Variants in TJP1 observed in about 807,000 individuals in gnomAD.
The protein encoded by TJP1 is tight junction protein 1.
TJP1 carries 43 observed loss-of-function variants against 194.2 expected under a neutral mutation model. The ratio of observed to expected loss-of-function variants is 0.22; its 90% CI spans 0.17 to 0.29. The LOEUF (loss-of-function observed/expected upper bound fraction) is 0.29, where lower values mean the gene tolerates loss of function less well. Ranked by LOEUF, TJP1 falls within the 10% of genes least tolerant of loss-of-function variation. The probability of loss-of-function intolerance (pLI) is 1.00; values close to 1 mark genes in which losing one functional copy is unlikely to be tolerated. For synonymous variants in TJP1, 801 were observed against 779.0 expected, an observed-to-expected ratio of 1.03 and a Z score of -0.47; for missense variants, 1,971 against 2,185.7, an observed-to-expected ratio of 0.90 and a Z score of 1.96.
intron 2 of TJP1, among the ~76,000 whole-genome samples, chr15:29,796,246 A>C (rs2048393891): frequency 6.6e-6 from 1 of 152,004 alleles, no homozygotes; most frequent in South Asian, 2.1e-4. Flanking sequence ...GCCTCTATAC[A>C]CAGATGACAT....
chr15:29,785,964 G>T (rs745889763), intron 2 of TJP1, among the ~76,000 whole-genome samples: 3 of 152,210 alleles, frequency 2.0e-5, no homozygotes, highest in Non-Finnish European at 4.4e-5. Context: ...GAATAAGAGA[G>T]ATTTTAATGT....
intron 5 of TJP1, among the ~76,000 whole-genome samples, chr15:29,766,001 C>A (rs1038224516): frequency 6.6e-6 from 1 of 152,208 alleles, no homozygotes; most frequent in Non-Finnish European, 1.5e-5. Flanking sequence ...TGTGACATTT[C>A]TTGTTAGCAT....
intron 8 of TJP1, among the ~76,000 whole-genome samples, chr15:29,743,693 C>T (rs1350492678): frequency 6.6e-6 from 1 of 152,132 alleles, no homozygotes; most frequent in Non-Finnish European, 1.5e-5. Flanking sequence ...AGCCACTACA[C>T]TCCAGCCTAG....
intron 2 of TJP1, among the ~76,000 whole-genome samples, chr15:29,784,901 T>A (rs1522797): frequency 6.6e-6 from 1 of 152,086 alleles, no homozygotes; most frequent in South Asian, 2.1e-4. Flanking sequence ...TGATAGCATG[T>A]GCAAAAAAAA....
At chr15:29,953,308 A>G (rs181817110) in intron 2 of TJP1, among the ~76,000 whole-genome samples, 1 of 151,792 alleles carries the variant, frequency 6.6e-6, no homozygotes, top group Admixed American at 6.6e-5. Context: ...CGCCCAGCTA[A>G]TTTTTGTCTT....
rs2044405444 is a variant in TJP1, at chr15:29,741,371, C to G, written c.1216G>C (p.Gly406Arg). 7 of 1,597,640 alleles carry G rather than the reference C, an allele frequency of 4.4e-6. No individual in the cohort carries two copies. The highest frequency in any genetic ancestry group is 6.0e-6 in the Non-Finnish European group (7 of 1,175,250). Residue 406 changes from glycine to arginine, a missense_variant, in exon 10 of 28, where the codon GGT (glycine) becomes CGT (arginine). Gly to Arg is a moderately radical substitution (Grantham distance 125). This residue lies in a region of TJP1 where 192 missense variants were observed against 182.3 expected (regional missense o/e 1.05). Transcript: ENST00000614355. ...TCATGAGTTGAATTAGGTAGGACAC[C>G]ATCAGATGGACTGACAGGTAAATCC... ...DVDLPVSPSD[G>R]VLPNSTHEDG...
At chr15:29,829,006 C>CTAAT (rs1233197716) in intron 2 of TJP1, among the ~76,000 whole-genome samples, 59 of 152,088 alleles carry the variant, frequency 3.9e-4, no homozygotes, top group Admixed American at 1.7e-3. Flanking sequence ...ACCGCCTTGG[C>CTAAT]CTCCCTAAGT....
intron 2 of TJP1, among the ~76,000 whole-genome samples, chr15:29,786,060 GA>G: frequency 6.6e-6 from 1 of 152,192 alleles, no homozygotes; most frequent in East Asian, 1.9e-4. Flanking sequence ...AGCCCAAACA[GA>G]TTAGAAGTCA....
intron 2 of TJP1, among the ~76,000 whole-genome samples, chr15:29,950,936 C>A (rs1005545037): frequency 6.6e-6 from 1 of 152,066 alleles, no homozygotes; most frequent in Admixed American, 6.5e-5. Flanking sequence ...ATCTATTTGA[C>A]AAAGTTGTTA....
intron 1 of TJP1, among the ~76,000 whole-genome samples, chr15:29,961,271 A>C (rs1461308887): frequency 6.6e-6 from 1 of 151,172 alleles, no homozygotes; most frequent in Admixed American, 6.6e-5. Context: ...AGGGAAATAA[A>C]GTTGGGAACT....
upstream of TJP1, among the ~76,000 whole-genome samples, chr15:29,824,785 C>T (rs563237388): frequency 9.2e-5 from 14 of 152,266 alleles, no homozygotes; most frequent in African/African-American, 2.9e-4. Flanking sequence ...ACATTTTTCA[C>T]TTTTCCTTAT....
At chr15:29,776,003 C>T (rs184677424) in intron 2 of TJP1, among the ~76,000 whole-genome samples, 2 of 152,190 alleles carry the variant, frequency 1.3e-5, no homozygotes, top group East Asian at 3.9e-4. Context: ...TGTTTCAGAA[C>T]ACTGATATCA....
At chr15:29,914,867 C>A (rs1238798470) in intron 2 of TJP1, among the ~76,000 whole-genome samples, 7 of 148,354 alleles carry the variant, frequency 4.7e-5, no homozygotes, top group Non-Finnish European at 1.0e-4. Context: ...CACACATACA[C>A]ACACACACAC....
intron 2 of TJP1, among the ~76,000 whole-genome samples, chr15:29,775,699 C>T (rs781751441): frequency 7.9e-5 from 12 of 152,118 alleles, no homozygotes; most frequent in Non-Finnish European, 1.3e-4. Flanking sequence ...ACTAAAACTT[C>T]AAAAATAAAC....
chr15:29,901,165 C>T (rs957376363), intron 2 of TJP1, among the ~76,000 whole-genome samples: 7 of 152,122 alleles, frequency 4.6e-5, no homozygotes, highest in Admixed American at 3.3e-4. Context: ...AACGCTTACC[C>T]GCTACTGAAT....
chr15:29,828,134 A>G (rs182400066), intron 2 of TJP1, among the ~76,000 whole-genome samples: 5 of 152,328 alleles, frequency 3.3e-5, no homozygotes, highest in African/African-American at 2.4e-5. Flanking sequence ...CTTTCTGTAT[A>G]TTTATTTACG....
In TJP1 at chr15:29,752,505, A is replaced by T. The variant is rs139542922; in HGVS notation, c.1010+8634T>A. 7.9e-5 allele frequency among the ~76,000 whole-genome samples: 12 copies of T among 152,292 alleles called. 1 individual carries two copies. Among genetic ancestry groups the T allele is most frequent in the African/African-American group, 2.9e-4 (12 of 41,560 alleles). On this transcript the variant is annotated intron_variant, in intron 8 of 27. Coordinates refer to ENST00000614355, the MANE Select transcript of TJP1 (RefSeq NM_001330239.4). ...TAAGGGTTAAAATCTAACAGCAATC[A>T]CTGAATACCCCATGACTATACTTGG...
intron 5 of TJP1, among the ~76,000 whole-genome samples, chr15:29,763,775 A>AAG (rs2046159291): frequency 6.6e-6 from 1 of 151,782 alleles, no homozygotes; most frequent in Non-Finnish European, 1.5e-5. Flanking sequence ...CTCAAAAAAA[A>AAG]AAAAAAAAAT....
At chr15:29,931,478 T>C (rs1019026678) in intron 2 of TJP1, among the ~76,000 whole-genome samples, 5 of 152,364 alleles carry the variant, frequency 3.3e-5, no homozygotes, top group East Asian at 1.9e-4. Context: ...TCTATTCACA[T>C]ATAACGAGTC....
Sources: allele counts gnomAD v4.1 joint callset (sites outside exome capture counted in the v4.1 genomes callset), GRCh38; gene constraint gnomAD v4.1.1; regional missense constraint gnomAD v4.1.1; transcripts MANE v1.5; gene names NCBI Gene and HGNC (gene_info 2026-07-23, HGNC 2026-07-21).